MEI1: variants seen among roughly 807,000 people sequenced by gnomAD.
MEI1 encodes the protein meiosis inhibitor protein 1.
MEI1 carries 103 observed loss-of-function variants against 146.2 expected under a neutral mutation model. That is an observed-to-expected ratio of 0.70 (90% CI 0.60 to 0.83). MEI1 has a LOEUF of 0.83. Among genes scored for constraint, MEI1 ranks in the 40% least tolerant of loss-of-function variants. The pLI, the probability that MEI1 is intolerant of heterozygous loss-of-function variation, is 0.00. For synonymous variants in MEI1, 652 were observed against 628.2 expected (o/e 1.04, Z -0.57); for missense variants, 1,529 against 1,533.0 (o/e 1.00, Z 0.04).
chr22:41,771,037 A>C, intron 20 of MEI1, 76 bp downstream of exon 20: 1 of 1,513,010 alleles, frequency 6.6e-7, no homozygotes, highest in South Asian at 1.3e-5. Flanking sequence ...TACTGAGGTC[A>C]GGAGGCACCC....
chr22:41,754,143 G>A, intron 17 of MEI1, 97 bp downstream of exon 17: 3 of 846,688 alleles, frequency 3.5e-6, no homozygotes, highest in Non-Finnish European at 5.9e-6. Flanking sequence ...GTACAGCCAC[G>A]AGATTTCTTT....
intron 11 of MEI1, among the ~76,000 whole-genome samples, chr22:41,735,878 A>T (rs553254001): frequency 2.2e-4 from 34 of 152,178 alleles, no homozygotes; most frequent in Non-Finnish European, 4.3e-4. Flanking sequence ...GCTACTAGCT[A>T]TATGTTGATA....
chr22:41,702,286 G>A (rs1485698684), intron 1 of MEI1, among the ~76,000 whole-genome samples: 13 of 151,158 alleles, frequency 8.6e-5, no homozygotes, highest in East Asian at 3.9e-4. Flanking sequence ...GATTACAGGC[G>A]CCTGCCACCA....
intron 26 of MEI1, among the ~76,000 whole-genome samples, chr22:41,785,067 G>A (rs2075910464): frequency 1.3e-5 from 2 of 151,048 alleles, no homozygotes; most frequent in Admixed American, 1.3e-4. Flanking sequence ...CTCCCGGGTA[G>A]CTGGGACTAC....
intron 3 of MEI1, among the ~76,000 whole-genome samples, chr22:41,712,482 G>A (rs928957286): frequency 1.5e-4 from 23 of 151,528 alleles, no homozygotes; most frequent in Non-Finnish European, 2.9e-4. Flanking sequence ...TGATCCACCC[G>A]CCTTGGCCTC....
chr22:41,752,312 T>C (rs80199535), intron 15 of MEI1: 12,833 of 404,374 alleles, frequency 0.032, 1,353 homozygotes, highest in African/African-American at 0.23. Context: ...AATGAACACT[T>C]ATTGCAGCAC....
chr22:41,702,827 C>T (rs1406786358), intron 1 of MEI1, among the ~76,000 whole-genome samples: 8 of 151,328 alleles, frequency 5.3e-5, no homozygotes, highest in East Asian at 2.0e-4. Flanking sequence ...GGCGCTATCT[C>T]GGCTCACTGC....
chr22:41,795,322 G>A lies in MEI1; in HGVS notation c.3535-89G>A. 3.9e-6 allele frequency: 6 copies of A among 1,544,078 alleles called. No homozygotes were observed. The highest frequency in any genetic ancestry group is 5.3e-6 in the Non-Finnish European group (6 of 1,132,842). On this transcript the variant is annotated intron_variant, in intron 28 of 30. Transcript: ENST00000401548. This position sits in a 1 kb window ranked among gnomAD's most constrained non-coding sequence, Gnocchi z 4.2. Reference sequence around the variant, plus strand: ...GGCAGGTTCTGTGGGCTTCAGGACAGTGTCTCCTAAAGTTGGGGCACAGCA... The same window carrying A: ...GGCAGGTTCTGTGGGCTTCAGGACAATGTCTCCTAAAGTTGGGGCACAGCA...
chr22:41,700,187 A>C (rs1439120323), intron 1 of MEI1, among the ~76,000 whole-genome samples: 2 of 152,050 alleles, frequency 1.3e-5, no homozygotes, highest in African/African-American at 4.8e-5. Context: ...TGTGAATCGG[A>C]GGAGGGGCAG....
intron 19 of MEI1, among the ~76,000 whole-genome samples, chr22:41,768,115 C>T (rs751805397): frequency 1.3e-5 from 2 of 152,156 alleles, no homozygotes; most frequent in Non-Finnish European, 2.9e-5. Flanking sequence ...GGCGCAGTTG[C>T]TCACGCCTGT....
At chr22:41,702,412 T>A (rs1402959960) in intron 1 of MEI1, among the ~76,000 whole-genome samples, 1 of 151,752 alleles carries the variant, frequency 6.6e-6, no homozygotes, top group African/African-American at 2.4e-5. Flanking sequence ...AAGTTGGGAT[T>A]ACAGGTGTGA....
intron 2 of MEI1, among the ~76,000 whole-genome samples, chr22:41,704,643 A>G (rs2068948587): frequency 6.6e-6 from 1 of 151,802 alleles, no homozygotes; most frequent in Non-Finnish European, 1.5e-5. Context: ...CGAACTCCCA[A>G]CCTCAGGTGA....
At chr22:41,723,020 C>G (rs563192226) in intron 6 of MEI1, among the ~76,000 whole-genome samples, 3 of 152,098 alleles carry the variant, frequency 2.0e-5, no homozygotes, top group Non-Finnish European at 1.5e-5. Context: ...GAATGTTGTT[C>G]TCTGTATCTG....
intron 26 of MEI1, among the ~76,000 whole-genome samples, chr22:41,790,193 G>A (rs890178890): frequency 1.3e-5 from 2 of 151,878 alleles, no homozygotes; most frequent in Non-Finnish European, 2.9e-5. Flanking sequence ...AGAGATTCTC[G>A]TGCCTCAGCC....
intron 7 of MEI1, among the ~76,000 whole-genome samples, chr22:41,727,971 C>T (rs2071515310): frequency 6.6e-6 from 1 of 152,148 alleles, no homozygotes; most frequent in South Asian, 2.1e-4. Context: ...AACAGGTATT[C>T]AGCATAAACT....
intron 23 of MEI1, 65 bp from the exon 24 acceptor site, chr22:41,781,620 A>ATAGTGGCAC: frequency 6.4e-7 from 1 of 1,567,154 alleles, no homozygotes; most frequent in Non-Finnish European, 8.7e-7. Context: ...GCTAAGCACC[A>ATAGTGGCAC]TAGTGGCACT....
At chr22:41,705,086 T>C (rs2068986366) in intron 2 of MEI1, among the ~76,000 whole-genome samples, 1 of 152,152 alleles carries the variant, frequency 6.6e-6, no homozygotes, top group South Asian at 2.1e-4. Context: ...AGAATTTAGC[T>C]GGAACATTGT....
Position 41,752,647 on chromosome 22 carries a change from C to G in MEI1, c.1849C>G (p.Leu617Val), listed in dbSNP as rs2073839935. The change falls in exon 16 of 31, where the codon CTG (leucine) becomes GTG (valine). Residue 617 changes from leucine (L) to valine (V), a missense_variant. Around this residue, in one of 3 missense-constraint regions of MEI1, gnomAD observed 1,212 missense variants for 1,178.9 expected, o/e 1.03. Coordinates refer to ENST00000401548, the MANE Select transcript of MEI1 (RefSeq NM_152513.4). Reference protein sequence around the residue: ...LELKARFCSGLSHSALNQVCS... With the variant: ...LELKARFCSGVSHSALNQVCS... ...GCTGAAGGCCAGGTTTTGCAGTGGT[C>G]TGAGGTATGTGTGGTCCCAGGCAAG... is the stretch of plus-strand genomic sequence containing the variant. The G allele has an allele frequency of 6.3e-7, 1 of 1,594,470 alleles. No individual in the cohort carries two copies. The highest frequency in any genetic ancestry group is 1.3e-5 in the African/African-American group (1 of 74,704).
rs111511746 is a variant in MEI1 at position 41,761,471 on chromosome 22, C to T, written c.2121-1703C>T. Among the ~76,000 whole-genome samples the T allele has an allele frequency of 9.9e-5, 15 of 152,062 alleles. 1 individual carries two copies. In the South Asian group the frequency reaches 2.7e-3, roughly 27 times the overall value. On this transcript the variant is annotated intron_variant, in intron 18 of 30. Coordinates refer to ENST00000401548, the MANE Select transcript of MEI1 (RefSeq NM_152513.4). ...CTGGAAATTCAGGTGCCCGCTACCA[C>T]GCCCGGCTAATTTTTTGTATTTTTA...
Sources: allele counts gnomAD v4.1 joint callset (sites outside exome capture counted in the v4.1 genomes callset), GRCh38; gene constraint gnomAD v4.1.1; regional missense constraint gnomAD v4.1.1; non-coding constraint Gnocchi (gnomAD v3.1); transcripts MANE v1.5; gene names NCBI Gene and HGNC (gene_info 2026-07-23, HGNC 2026-07-21).